DNAH8: variants seen among roughly 807,000 people sequenced by gnomAD.
The protein encoded by DNAH8 is dynein axonemal heavy chain 8, also known as axonemal beta dynein heavy chain 8.
Under a neutral mutation model 562.1 loss-of-function variants are expected in DNAH8, and 382 were observed. The ratio of observed to expected loss-of-function variants is 0.68; its 90% CI spans 0.63 to 0.74. DNAH8 has a LOEUF of 0.74. Among genes scored for constraint, DNAH8 ranks in the 30% least tolerant of loss-of-function variants. DNAH8 has a pLI of 0.00. For missense variants in DNAH8, 5,203 were observed against 5,620.4 expected, an observed-to-expected ratio of 0.93 and a Z score of 2.37; for synonymous variants, 1,881 against 1,919.4, an observed-to-expected ratio of 0.98 and a Z score of 0.52.
At chr6:38,899,951 T>C in intron 62 of DNAH8, 45 bp downstream of exon 62, 1 of 1,441,844 alleles carries the variant, frequency 6.9e-7, no homozygotes, top group Non-Finnish European at 9.2e-7. Flanking sequence ...AGTTAATTTC[T>C]CTATAGTTAA....
At chr6:38,999,568 T>G (rs1379922421) in intron 88 of DNAH8, among the ~76,000 whole-genome samples, 9 of 152,074 alleles carry the variant, frequency 5.9e-5, no homozygotes, top group African/African-American at 2.2e-4. Context: ...TTTCTGATTC[T>G]CCTGTGTTTT....
In DNAH8 at chr6:38,951,365, C is replaced by A; in HGVS notation, c.12296C>A (p.Ala4099Glu). The change falls in exon 82 of 93, where the codon GCA becomes GAA. Residue 4099 changes from alanine to glutamate, a missense_variant. By Grantham distance (107) the Ala-to-Glu change is moderately radical. Transcript: ENST00000327475. ...RTVFQARKYI[A>E]DSLEEKYTEP... ...GTTTTTCAAGCAAGAAAGTATATTG[C>A]AGATTCTTTGGAGGAGAAGTACACA... The A allele has an allele frequency of 6.2e-7, 1 of 1,614,136 alleles. No homozygotes were observed. The highest frequency in any genetic ancestry group is 1.1e-5 in the South Asian group (1 of 91,082).
chr6:38,929,677 T>TAAAAAAAAAAAAAAA lies in DNAH8; in HGVS notation c.11274+12_11274+26dup. On this transcript the variant is annotated intron_variant, in intron 75 of 92. Coordinates refer to ENST00000327475, the MANE Select transcript of DNAH8 (RefSeq NM_001206927.2). ...GGCACCACTTTCAAGGTGAGCTTTG[T>TAAAAAAAAAAAAAAA]AAAAAAAAAAAAAAAGAAAGAAAGA... The TAAAAAAAAAAAAAAA allele has an allele frequency of 9.1e-7, 1 of 1,097,536 alleles. No individual in the cohort carries two copies. Among genetic ancestry groups the TAAAAAAAAAAAAAAA allele is most frequent in the South Asian group, 2.3e-5 (1 of 43,308 alleles). The allele number at this position is 1,097,536 out of a possible 1,614,324, so 68.0% of individuals were successfully genotyped here.
intron 75 of DNAH8, among the ~76,000 whole-genome samples, chr6:38,930,130 G>T (rs953060628): frequency 6.6e-6 from 1 of 152,136 alleles, no homozygotes; most frequent in Non-Finnish European, 1.5e-5. Flanking sequence ...ATTTGGTAAA[G>T]TCATTGATTT....
At chr6:38,995,059 CT>C (rs149324423) in intron 88 of DNAH8, among the ~76,000 whole-genome samples, 3,575 of 138,718 alleles carry the variant, frequency 0.026, 90 homozygotes, top group Middle Eastern at 0.079. Context: ...CCTCATTGCT[CT>C]TTTTTTTTTT....
chr6:38,926,259 CTT>C, intron 74 of DNAH8, 49 bp downstream of exon 74: 2 of 1,583,250 alleles, frequency 1.3e-6, no homozygotes, highest in African/African-American at 2.7e-5. Context: ...TCATGAAACT[CTT>C]TCAAAATTTT....
chr6:38,779,536 A>G (rs1170331669), intron 14 of DNAH8, among the ~76,000 whole-genome samples: 1 of 152,128 alleles, frequency 6.6e-6, no homozygotes, highest in East Asian at 1.9e-4. Context: ...TTTTGTGATT[A>G]TGGTTAAATG....
At position 38,873,393 on chromosome 6, in the gene DNAH8, T is replaced by G; in HGVS notation, c.7620+17T>G. 1 of 1,565,492 alleles carries G rather than the reference T, an allele frequency of 6.4e-7. No homozygotes were observed. Among genetic ancestry groups the G allele is most frequent in the Middle Eastern group, 1.7e-4 (1 of 5,748 alleles). The stretch of plus-strand genomic sequence containing the variant: ...ATTGTGCAAGTAAGATTTTTTTTTG[T>G]ACATTTACTACTTCGATTTTGATTT... On this transcript the variant is annotated intron_variant, in intron 52 of 92. Coordinates refer to ENST00000327475, the MANE Select transcript of DNAH8 (RefSeq NM_001206927.2).
chr6:38,748,649 G>A (rs1383803477), intron 8 of DNAH8, among the ~76,000 whole-genome samples: 1 of 151,684 alleles, frequency 6.6e-6, no homozygotes, highest in Non-Finnish European at 1.5e-5. Flanking sequence ...AGCACTTTGC[G>A]AGGCTGAGGC....
At chr6:38,961,255 T>TA (rs1401989291) in intron 82 of DNAH8, among the ~76,000 whole-genome samples, 2 of 151,894 alleles carry the variant, frequency 1.3e-5, no homozygotes, top group African/African-American at 2.4e-5. Context: ...ATTTATTTTT[T>TA]AAAAAAATAT....
intron 8 of DNAH8, among the ~76,000 whole-genome samples, chr6:38,746,048 T>C (rs1313365903): frequency 6.6e-6 from 1 of 152,212 alleles, no homozygotes. Context: ...TAGGTGGGTC[T>C]TGACTGCGGC....
chr6:38,736,286 T>A (rs1025678429), intron 5 of DNAH8, among the ~76,000 whole-genome samples: 7 of 152,336 alleles, frequency 4.6e-5, no homozygotes, highest in Middle Eastern at 3.4e-3. Flanking sequence ...TCATTAGAAC[T>A]AAGTAAATGT....
chr6:38,842,505 G>C lies in DNAH8; in HGVS notation c.4604G>C (p.Arg1535Thr). Residue 1535 changes from arginine to threonine, a missense_variant and splice_region_variant, in exon 34 of 93, where the codon AGA becomes ACA. Coordinates refer to ENST00000327475, the MANE Select transcript of DNAH8 (RefSeq NM_001206927.2). ...GCAGAACTGCTGGAATTTCAAAACA[G>C]GTGAGTTTCAATGGAATTTTTTATA... is the stretch of plus-strand genomic sequence containing the variant. ...INAELLEFQN[R>T]CRKLPKGLKD... The C allele has an allele frequency of 6.2e-7, 1 of 1,609,316 alleles. No individual in the cohort carries two copies. The highest frequency in any genetic ancestry group is 8.5e-7 in the Non-Finnish European group (1 of 1,178,840).
chr6:38,920,853 A>T (rs1299356310), intron 70 of DNAH8, among the ~76,000 whole-genome samples: 1 of 152,134 alleles, frequency 6.6e-6, no homozygotes, highest in Non-Finnish European at 1.5e-5. Flanking sequence ...CTTTCTATAC[A>T]TTGCTGCATT....
intron 57 of DNAH8, 136 bp downstream of exon 57, chr6:38,887,140 G>C: frequency 1.6e-6 from 1 of 624,672 alleles, no homozygotes; most frequent in Non-Finnish European, 2.8e-6. Flanking sequence ...CACTAGGAAA[G>C]AGGGACTAAA....
chr6:38,757,466 T>A (rs903441003), intron 10 of DNAH8, among the ~76,000 whole-genome samples: 4 of 152,068 alleles, frequency 2.6e-5, no homozygotes. Context: ...TCCCATTCTG[T>A]AGGTTGCCTG....
chr6:38,840,607 CAT>C (rs1322079687), intron 33 of DNAH8, among the ~76,000 whole-genome samples: 1 of 152,178 alleles, frequency 6.6e-6, no homozygotes, highest in Non-Finnish European at 1.5e-5. Context: ...CATCTGAAGA[CAT>C]AGTATGAGAT....
intron 62 of DNAH8, among the ~76,000 whole-genome samples, chr6:38,902,118 A>G (rs1190520507): frequency 6.6e-6 from 1 of 152,182 alleles, no homozygotes; most frequent in Non-Finnish European, 1.5e-5. Flanking sequence ...TGTAGTTAGG[A>G]ATGACGGAGG....
At chr6:38,959,238 C>T (rs1328526070) in intron 82 of DNAH8, among the ~76,000 whole-genome samples, 1 of 152,192 alleles carries the variant, frequency 6.6e-6, no homozygotes, top group African/African-American at 2.4e-5. Context: ...TGCCTACTTT[C>T]ACCACTTCTG....
Sources: allele counts gnomAD v4.1 joint callset (sites outside exome capture counted in the v4.1 genomes callset), GRCh38; gene constraint gnomAD v4.1.1; transcripts MANE v1.5; gene names NCBI Gene and HGNC (gene_info 2026-07-23, HGNC 2026-07-21).